RBFOX1: variants seen among roughly 807,000 people sequenced by gnomAD.
RBFOX1 encodes the protein RNA binding protein fox-1 homolog 1.
RBFOX1 carries 8 observed loss-of-function variants against 57.7 expected under a neutral mutation model. The ratio of observed to expected loss-of-function variants is 0.14; its 90% CI spans 0.08 to 0.25. The LOEUF is 0.25. RBFOX1 is among the 10% of genes least tolerant of loss of function. The pLI is 1.00. For missense variants in RBFOX1, 611 were observed against 548.5 expected (o/e 1.11, Z -1.14); for synonymous variants, 326 against 222.4 (o/e 1.47, Z -4.15).
At chr16:5,286,532 G>A (rs1359402721) in intron 1 of RBFOX1, among the ~76,000 whole-genome samples, 1 of 152,164 alleles carries the variant, frequency 6.6e-6, no homozygotes. Context: ...CAGAAAACCT[G>A]AGCATATGTC....
chr16:6,513,298 C>T (rs190735797), intron 2 of RBFOX1, among the ~76,000 whole-genome samples: 1 of 152,304 alleles, frequency 6.6e-6, no homozygotes, highest in East Asian at 1.9e-4. Context: ...AGGGACTGGG[C>T]TGCTGGTAGT....
intron 1 of RBFOX1, among the ~76,000 whole-genome samples, chr16:5,454,898 CTTTCTTTCT>C (rs2068555502): frequency 4.5e-5 from 3 of 66,580 alleles, no homozygotes; most frequent in South Asian, 4.4e-4. Flanking sequence ...TTCTTTCTTT[CTTTCTTTCT>C]TTCTTTCCTT....
chr16:6,255,389 G>T (rs756349759), intron 1 of RBFOX1, among the ~76,000 whole-genome samples: 4 of 152,080 alleles, frequency 2.6e-5, no homozygotes, highest in African/African-American at 9.7e-5. Context: ...TATTTTGCTC[G>T]GCCAAGAGGT....
chr16:6,911,115 C>T lies in RBFOX1; in HGVS notation c.-15-140942C>T, dbSNP rs142628155. 4.4e-4 allele frequency among the ~76,000 whole-genome samples: 66 copies of T among 151,524 alleles called. No individual in the cohort carries two copies. The East Asian group carries it at 0.01, about 23-fold the overall frequency. The stretch of plus-strand genomic sequence containing the variant: ...ACTCGGGAGGCTGAGGCAGGACAAT[C>T]GCTGGAACCTGGGAAGTGGAAGTTG... On this transcript the variant is annotated intron_variant, in intron 3 of 15. Coordinates refer to ENST00000550418, the MANE Select transcript of RBFOX1 (RefSeq NM_018723.4).
At chr16:5,435,226 A>G (rs1435862996) in intron 1 of RBFOX1, among the ~76,000 whole-genome samples, 1 of 152,112 alleles carries the variant, frequency 6.6e-6, no homozygotes, top group Non-Finnish European at 1.5e-5. Context: ...GTGCTTCTCC[A>G]TATGCGTCTA....
At chr16:5,507,657 G>T (rs897903847) in intron 2 of RBFOX1, among the ~76,000 whole-genome samples, 1 of 152,218 alleles carries the variant, frequency 6.6e-6, no homozygotes, top group Admixed American at 6.5e-5. Flanking sequence ...TTAAGATGAG[G>T]TCATACTGGA....
At chr16:6,539,626 C>A (rs2096783741) in intron 2 of RBFOX1, among the ~76,000 whole-genome samples, 1 of 151,954 alleles carries the variant, frequency 6.6e-6, no homozygotes. Context: ...GGTGGAACCC[C>A]ATCTCTACTA....
At chr16:6,882,800 G>A (rs555613278) in intron 3 of RBFOX1, among the ~76,000 whole-genome samples, 9 of 152,038 alleles carry the variant, frequency 5.9e-5, no homozygotes, top group African/African-American at 1.9e-4. Flanking sequence ...CATTCCTGGG[G>A]GGTATCAATT....
intron 3 of RBFOX1, among the ~76,000 whole-genome samples, chr16:6,926,784 CTT>C (rs2075668286): frequency 1.3e-5 from 2 of 152,200 alleles, no homozygotes; most frequent in African/African-American, 4.8e-5. Context: ...TGCTGGGTCT[CTT>C]GAGTTCTTAA....
chr16:6,935,420 G>T (rs1279608533), intron 3 of RBFOX1, among the ~76,000 whole-genome samples: 1 of 152,094 alleles, frequency 6.6e-6, no homozygotes, highest in East Asian at 1.9e-4. Context: ...ATCATAAAAA[G>T]GAAATCTTTT....
chr16:5,688,241 C>A (rs1208823195), intron 3 of RBFOX1, among the ~76,000 whole-genome samples: 1 of 152,172 alleles, frequency 6.6e-6, no homozygotes, highest in Admixed American at 6.5e-5. Flanking sequence ...AGAGGTGCAT[C>A]TTTGCAATCT....
At chr16:6,772,005 T>C (rs1344246726) in intron 3 of RBFOX1, among the ~76,000 whole-genome samples, 1 of 152,184 alleles carries the variant, frequency 6.6e-6, no homozygotes, top group Non-Finnish European at 1.5e-5. Context: ...CTTCGGCTCT[T>C]TCTGCCATTC....
intron 2 of RBFOX1, among the ~76,000 whole-genome samples, chr16:6,651,438 C>G (rs761972310): frequency 1.1e-4 from 16 of 152,214 alleles, no homozygotes; most frequent in Non-Finnish European, 1.9e-4. Flanking sequence ...CACCTGGACT[C>G]CTGTGGTAGC....
intron 3 of RBFOX1, among the ~76,000 whole-genome samples, chr16:6,979,201 C>A (rs768626422): frequency 6.6e-6 from 1 of 151,992 alleles, no homozygotes; most frequent in African/African-American, 2.4e-5. Context: ...TATTTAAATC[C>A]CCAAGTCTCA....
chr16:6,234,253 T>G lies in RBFOX1; in HGVS notation c.-126-82742T>G, dbSNP rs74005005. Among the ~76,000 whole-genome samples, 453 of 152,310 alleles carry G rather than the reference T, an allele frequency of 3.0e-3. 1 individual carries two copies. The highest frequency in any genetic ancestry group is 9.9e-3 in the African/African-American group (413 of 41,580). On this transcript the variant is annotated intron_variant, in intron 1 of 15. Coordinates refer to ENST00000550418, the MANE Select transcript of RBFOX1 (RefSeq NM_018723.4). Reference sequence around the variant, plus strand: ...ATTTATTCTCAAAATTCCTGCCCACTGTCAATTTTTTACAGAAGCTAAATT... The same window carrying G: ...ATTTATTCTCAAAATTCCTGCCCACGGTCAATTTTTTACAGAAGCTAAATT...
intron 3 of RBFOX1, among the ~76,000 whole-genome samples, chr16:7,021,925 CTTTATTTTCTTTT>C (rs1568407291): frequency 2.0e-5 from 3 of 147,446 alleles, no homozygotes; most frequent in Non-Finnish European, 4.5e-5. Flanking sequence ...TTCTTTCTTT[CTTTATTTTCTTTT>C]CTTTCTTTCT....
chr16:6,257,137 A>C (rs1490503101), intron 1 of RBFOX1, among the ~76,000 whole-genome samples: 1 of 152,146 alleles, frequency 6.6e-6, no homozygotes, highest in African/African-American at 2.4e-5. Context: ...GTTCCAGGAT[A>C]CATGTGCAGG....
At chr16:5,318,064 CT>C (rs1445333651) in intron 1 of RBFOX1, among the ~76,000 whole-genome samples, 3 of 152,228 alleles carry the variant, frequency 2.0e-5, no homozygotes, top group Admixed American at 1.3e-4. Flanking sequence ...GAGTGGATGT[CT>C]GTAGGTTTGA....
intron 4 of RBFOX1, among the ~76,000 whole-genome samples, chr16:7,112,330 G>T (rs553894232): frequency 6.6e-6 from 1 of 151,470 alleles, no homozygotes; most frequent in Non-Finnish European, 1.5e-5. Flanking sequence ...AGACTCCAAA[G>T]TATCTGGGAC....
Sources: allele counts gnomAD v4.1 joint callset (sites outside exome capture counted in the v4.1 genomes callset), GRCh38; gene constraint gnomAD v4.1.1; transcripts MANE v1.5; gene names NCBI Gene and HGNC (gene_info 2026-07-23, HGNC 2026-07-21).